Variants in AVL9 observed in about 807,000 individuals in gnomAD.
AVL9 encodes AVL9 cell migration associated, also known as late secretory pathway protein AVL9 homolog.
AVL9 carries 49 observed loss-of-function variants against 79.2 expected under a neutral mutation model. The observed-to-expected ratio is 0.62, with a 90% CI of 0.49 to 0.79. The LOEUF (loss-of-function observed/expected upper bound fraction) is 0.79, where lower values mean the gene tolerates loss of function less well. Ranked by LOEUF, AVL9 falls within the 30% of genes least tolerant of loss-of-function variation. The probability of loss-of-function intolerance (pLI) is 0.00; values close to 1 mark genes in which losing one functional copy is unlikely to be tolerated. For missense variants in AVL9, 682 were observed against 776.8 expected (o/e 0.88, Z 1.45); for synonymous variants, 299 against 280.6 (o/e 1.07, Z -0.65).
At chr7:32,538,468 A>T (rs1416108967) in intron 1 of AVL9, 1 of 152,230 alleles carries the variant, frequency 6.6e-6, no homozygotes, top group African/African-American at 2.4e-5. Flanking sequence ...AGTGTGGCTA[A>T]AAAAAGCAAT....
intron 1 of AVL9, among the ~76,000 whole-genome samples, chr7:32,511,167 C>A (rs1168718774): frequency 6.8e-6 from 1 of 146,196 alleles, no homozygotes. Context: ...ACAGTCCTGG[C>A]ACTTCTGAAC....
intron 1 of AVL9, among the ~76,000 whole-genome samples, chr7:32,529,475 AC>A (rs1373641579): frequency 6.6e-6 from 1 of 152,218 alleles, no homozygotes; most frequent in African/African-American, 2.4e-5. Flanking sequence ...GTCCTAATAC[AC>A]CCTATAGCTC....
chr7:32,576,564 A>C (rs1791109887), intron 13 of AVL9, among the ~76,000 whole-genome samples: 1 of 152,096 alleles, frequency 6.6e-6, no homozygotes, highest in African/African-American at 2.4e-5. Flanking sequence ...TGGGCAGATC[A>C]CCTGAGGTCG....
At chr7:32,521,163 A>C (rs1788130848) in intron 1 of AVL9, among the ~76,000 whole-genome samples, 1 of 152,190 alleles carries the variant, frequency 6.6e-6, no homozygotes, top group Admixed American at 6.5e-5. Context: ...AGACTAATAC[A>C]GTAAACTGGT....
At chr7:32,540,083 A>G (rs1400992781) in intron 1 of AVL9, among the ~76,000 whole-genome samples, 1 of 152,200 alleles carries the variant, frequency 6.6e-6, no homozygotes, top group Non-Finnish European at 1.5e-5. Flanking sequence ...TATTTCGCCT[A>G]CCACATAGGA....
At position 32,579,419 on chromosome 7, in the gene AVL9, A is replaced by ATATATAT. The variant is rs1562801504; in HGVS notation, c.1689-799_1689-793dup. On this transcript the variant is annotated intron_variant, in intron 13 of 15. Transcript: ENST00000318709. ...TGTTATATATTATATATAATATGTT[A>ATATATAT]TATATATAATATATATATTATATAT... Among the ~76,000 whole-genome samples, 2 of 3,406 alleles carry ATATATAT rather than the reference A, an allele frequency of 5.9e-4. 1 individual carries two copies. Among genetic ancestry groups the ATATATAT allele is most frequent in the Non-Finnish European group, 9.7e-4 (2 of 2,072 alleles). The allele number at this position is 3,406 out of a possible 152,430, so 2.2% of individuals were successfully genotyped here. A position where few individuals can be genotyped will look rare whatever the true frequency, so the allele number is the denominator to read the frequency against.
intron 10 of AVL9, among the ~76,000 whole-genome samples, chr7:32,569,692 C>T (rs1230383706): frequency 6.6e-6 from 1 of 152,150 alleles, no homozygotes; most frequent in Non-Finnish European, 1.5e-5. Context: ...GCTTCATTTC[C>T]TAAGTGAAAA....
At chr7:32,578,040 A>C (rs1343870572) in intron 13 of AVL9, among the ~76,000 whole-genome samples, 1 of 152,200 alleles carries the variant, frequency 6.6e-6, no homozygotes, top group Non-Finnish European at 1.5e-5. Flanking sequence ...AACAGGGTAC[A>C]CAAGTTTATA....
chr7:32,554,008 T>C (rs562077097), intron 7 of AVL9, among the ~76,000 whole-genome samples: 29 of 152,192 alleles, frequency 1.9e-4, no homozygotes, highest in Non-Finnish European at 3.8e-4. Context: ...CTTTGCAGGA[T>C]AGGGTAATTT....
At chr7:32,513,044 C>G (rs1161873178) in intron 1 of AVL9, among the ~76,000 whole-genome samples, 1 of 152,086 alleles carries the variant, frequency 6.6e-6, no homozygotes. Context: ...CTTGCTAATC[C>G]CAGAATCAGC....
chr7:32,520,555 C>A (rs1178991764), intron 1 of AVL9, among the ~76,000 whole-genome samples: 1 of 152,186 alleles, frequency 6.6e-6, no homozygotes, highest in African/African-American at 2.4e-5. Context: ...GACTTCCTAA[C>A]TCTTCCTGTA....
In AVL9 at chr7:32,576,214, T is replaced by C. The variant is rs1191599783; in HGVS notation, c.1688+142T>C. On this transcript the variant is annotated intron_variant, in intron 13 of 15. Transcript: ENST00000318709. The stretch of plus-strand genomic sequence containing the variant: ...TAGGTCATAAAAAGGCTCCCAAATA[T>C]AGAGAAACAGCTTAGAAACTGCTTC... The C allele has an allele frequency of 1.1e-5, 7 of 626,406 alleles. No homozygotes were observed. In the Admixed American group the frequency reaches 1.4e-4, roughly 12 times the overall value. The allele number at this position is 626,406 out of a possible 1,614,324, so 38.8% of individuals were successfully genotyped here.
In AVL9 at chr7:32,551,532, T is replaced by G. The variant is rs140931579; in HGVS notation, c.462+109T>G. ...ATAATTATTACCTTAAGAAAGACAT[T>G]CTAATGTGAAAACGCATTTGCATTA... On this transcript the variant is annotated intron_variant, in intron 5 of 15. Coordinates refer to ENST00000318709, the MANE Select transcript of AVL9 (RefSeq NM_015060.3). 7.4e-4 allele frequency: 369 copies of G among 496,534 alleles called. 1 individual carries two copies. Among genetic ancestry groups the G allele is most frequent in the African/African-American group, 6.9e-3 (340 of 49,196 alleles). The allele number at this position is 496,534 out of a possible 1,614,324, so 30.8% of individuals were successfully genotyped here. A position where few individuals can be genotyped will look rare whatever the true frequency, so the allele number is the denominator to read the frequency against.
At chr7:32,558,511 G>T (rs746962535) in intron 8 of AVL9, 48 bp from the exon 9 acceptor site, 1 of 1,360,772 alleles carries the variant, frequency 7.3e-7, no homozygotes, top group Non-Finnish European at 1.0e-6. Context: ...TATCATTATG[G>T]ACGGCTTCAT....
In AVL9 at chr7:32,559,399, A is replaced by T; in HGVS notation, c.1150A>T (p.Ile384Leu). Reference sequence around the variant, plus strand: ...AGCTAATACGGGACAGGTAGTCCTGATACCAGGGCTCATTTCGGGTTTGGA... The same window carrying T: ...AGCTAATACGGGACAGGTAGTCCTGTTACCAGGGCTCATTTCGGGTTTGGA... ...PQANTGQVVL[I>L]PGLISGLEED... Residue 384 changes from isoleucine to leucine, a missense_variant, in exon 10 of 16, where the codon ATA becomes TTA. Transcript: ENST00000318709. 1 of 1,610,626 alleles carries T rather than the reference A, an allele frequency of 6.2e-7. No individual in the cohort carries two copies. The highest frequency in any genetic ancestry group is 8.5e-7 in the Non-Finnish European group (1 of 1,178,682).
intron 10 of AVL9, among the ~76,000 whole-genome samples, chr7:32,561,156 T>G (rs577804752): frequency 6.6e-6 from 1 of 152,330 alleles, no homozygotes; most frequent in East Asian, 1.9e-4. Context: ...AGTCACCAGC[T>G]GCATTAGCCC....
At chr7:32,525,881 A>G (rs796787754) in intron 1 of AVL9, among the ~76,000 whole-genome samples, 24 of 151,946 alleles carry the variant, frequency 1.6e-4, no homozygotes, top group East Asian at 1.2e-3. Flanking sequence ...TTTGGGGGGG[A>G]AAAACACTGG....
At position 32,552,196 on chromosome 7, in the gene AVL9, TA is replaced by T. The variant is rs146455321; in HGVS notation, c.463-29del. On this transcript the variant is annotated intron_variant, in intron 5 of 15. Transcript: ENST00000318709. ...TTCTAATTCAGATCTAAAATGATAGTAAAATGTGCTAAATTCAATCTATATT... is the reference window on the plus strand; with the variant it reads ...TTCTAATTCAGATCTAAAATGATAGTAAATGTGCTAAATTCAATCTATATT... 1,535 of 1,315,676 alleles carry T rather than the reference TA, an allele frequency of 1.2e-3. 12 individuals carry two copies. In the African/African-American group the frequency reaches 0.02, roughly 17 times the overall value. 81.5% of individuals were successfully genotyped at this position (1,315,676 alleles called of 1,614,324 possible).
At chr7:32,541,694 A>G (rs150660543) in intron 1 of AVL9, among the ~76,000 whole-genome samples, 5 of 151,156 alleles carry the variant, frequency 3.3e-5, no homozygotes, top group African/African-American at 1.2e-4. Context: ...ACTGGAGGTT[A>G]TTTATGCCTC....
Sources: gnomAD v4.1 joint callset for allele counts (sites outside exome capture counted in the v4.1 genomes callset) on GRCh38, gnomAD v4.1.1 for gene constraint, MANE v1.5 for transcripts, NCBI Gene and HGNC (gene_info 2026-07-23, HGNC 2026-07-21) for gene names.